LRRC8C: variants seen among roughly 807,000 people sequenced by gnomAD.
The protein encoded by LRRC8C is volume-regulated anion channel subunit LRRC8C.
LRRC8C carries 20 observed loss-of-function variants against 55.3 expected under a neutral mutation model. The observed-to-expected ratio is 0.36, with a 90% CI of 0.25 to 0.53. The LOEUF (loss-of-function observed/expected upper bound fraction) is 0.53. Among genes scored for constraint, LRRC8C ranks in the 20% least tolerant of loss-of-function variants. The pLI is 0.92. For synonymous variants in LRRC8C, 376 were observed against 360.7 expected, an observed-to-expected ratio of 1.04 and a Z score of -0.48; for missense variants, 659 against 951.4, an observed-to-expected ratio of 0.69 and a Z score of 4.04.
chr1:89,653,819 T>C (rs1656858260), intron 1 of LRRC8C, among the ~76,000 whole-genome samples: 1 of 152,224 alleles, frequency 6.6e-6, no homozygotes, highest in African/African-American at 2.4e-5. Context: ...AAATAGCAGA[T>C]TTGGAGTGAA....
intron 2 of LRRC8C, among the ~76,000 whole-genome samples, chr1:89,688,093 T>G (rs770983485): frequency 6.6e-5 from 10 of 152,186 alleles, no homozygotes; most frequent in Non-Finnish European, 1.2e-4. Context: ...AAGGTGAGTA[T>G]TGAAGCCTTT....
Position 89,713,987 on chromosome 1 carries a change from T to C in LRRC8C, c.1417T>C (p.Ser473Pro). Residue 473 changes from serine to proline, a missense_variant, in exon 3 of 3, where the codon TCT becomes CCT. Physicochemically the swap from Ser to Pro is moderately conservative, Grantham distance 74. Transcript: ENST00000370454. This position sits in a 1 kb window ranked among gnomAD's most constrained non-coding sequence, Gnocchi z 5.2. Reference sequence around the variant, plus strand: ...ACAGCTAGACAATCTTCAAGAGCTCTCTCTGCACCAGTGTTCTGTCAAAAT... The same window carrying C: ...ACAGCTAGACAATCTTCAAGAGCTCCCTCTGCACCAGTGTTCTGTCAAAAT... The part of the protein sequence containing the change: ...IAQLDNLQEL[S>P]LHQCSVKIHS... 6.2e-7 allele frequency: 1 copy of C among 1,613,326 alleles called. No individual in the cohort carries two copies. The highest frequency in any genetic ancestry group is 8.5e-7 in the Non-Finnish European group (1 of 1,180,012).
the LRRC8C span, among the ~76,000 whole-genome samples, chr1:89,627,246 A>G: frequency 6.6e-6 from 1 of 151,966 alleles, no homozygotes; most frequent in Admixed American, 6.6e-5. Flanking sequence ...AGAAGCTGTA[A>G]GCCAGGAACC....
At chr1:89,710,701 G>A (rs1267158194) in intron 2 of LRRC8C, among the ~76,000 whole-genome samples, 1 of 152,148 alleles carries the variant, frequency 6.6e-6, no homozygotes, top group Non-Finnish European at 1.5e-5. Flanking sequence ...AAATCTTGTG[G>A]TGAAACCTCC....
the LRRC8C span, among the ~76,000 whole-genome samples, chr1:89,619,728 A>T: frequency 6.6e-6 from 1 of 152,128 alleles, no homozygotes; most frequent in Non-Finnish European, 1.5e-5. Context: ...GGAAAACTTT[A>T]AAATAAGGAT....
At chr1:89,710,331 C>T (rs922502093) in intron 2 of LRRC8C, among the ~76,000 whole-genome samples, 1 of 151,952 alleles carries the variant, frequency 6.6e-6, no homozygotes, top group Non-Finnish European at 1.5e-5. Flanking sequence ...CAGGGGTTTC[C>T]AAAGTATGGT....
At chr1:89,683,209 G>C (rs1044186070) in intron 1 of LRRC8C, among the ~76,000 whole-genome samples, 6 of 152,120 alleles carry the variant, frequency 3.9e-5, no homozygotes, top group African/African-American at 1.4e-4. Flanking sequence ...AGGATGAAAT[G>C]TGTCAACATT....
the LRRC8C span, among the ~76,000 whole-genome samples, chr1:89,616,170 C>G: frequency 6.6e-6 from 1 of 152,134 alleles, no homozygotes; most frequent in Non-Finnish European, 1.5e-5. Flanking sequence ...CATGTTAGGT[C>G]CCAGCCAATG....
chr1:89,709,583 G>A (rs746040580), intron 2 of LRRC8C, among the ~76,000 whole-genome samples: 1 of 152,104 alleles, frequency 6.6e-6, no homozygotes, highest in Admixed American at 6.5e-5. Flanking sequence ...GAGCAAGCCC[G>A]GGGGAGGGTT....
intron 2 of LRRC8C, among the ~76,000 whole-genome samples, chr1:89,690,031 A>G (rs549574504): frequency 2.0e-5 from 3 of 152,272 alleles, no homozygotes; most frequent in African/African-American, 4.8e-5. Context: ...GGTTTGTGAT[A>G]TATGTTAAAC....
chr1:89,702,882 C>G (rs1034022470), intron 2 of LRRC8C, among the ~76,000 whole-genome samples: 10 of 152,248 alleles, frequency 6.6e-5, no homozygotes, highest in African/African-American at 2.4e-4. Context: ...CTGGACTGTA[C>G]TCAGTAGCAT....
chr1:89,671,772 G>C (rs1657422787), intron 1 of LRRC8C, among the ~76,000 whole-genome samples: 1 of 152,230 alleles, frequency 6.6e-6, no homozygotes, highest in South Asian at 2.1e-4. Context: ...GTCAGAGTCA[G>C]TTTGCATGTT....
chr1:89,617,295 A>T, the LRRC8C span, among the ~76,000 whole-genome samples: 1 of 152,230 alleles, frequency 6.6e-6, no homozygotes, highest in Non-Finnish European at 1.5e-5. Context: ...TGCCTAAATA[A>T]ACCATTAGCA....
At chr1:89,711,866 T>C (rs763937516) in intron 2 of LRRC8C, among the ~76,000 whole-genome samples, 21 of 152,244 alleles carry the variant, frequency 1.4e-4, no homozygotes, top group Admixed American at 2.6e-4. Flanking sequence ...GGAAGAGTTT[T>C]TATAAAAGCT....
chr1:89,632,452 G>C (rs78837226), upstream of LRRC8C, among the ~76,000 whole-genome samples: 1 of 152,274 alleles, frequency 6.6e-6, no homozygotes, highest in East Asian at 1.9e-4. Context: ...TTGTCAAGGG[G>C]CTCAAGGGCT....
At chr1:89,694,585 C>CTTTT (rs33917661) in intron 2 of LRRC8C, among the ~76,000 whole-genome samples, 1,802 of 82,582 alleles carry the variant, frequency 0.022, 13 homozygotes, top group East Asian at 0.032. Flanking sequence ...TGCCCAGCTT[C>CTTTT]TTTTTTTTTT....
At chr1:89,667,071 T>C (rs1302519159) in intron 1 of LRRC8C, among the ~76,000 whole-genome samples, 2 of 152,146 alleles carry the variant, frequency 1.3e-5, no homozygotes, top group African/African-American at 2.4e-5. Context: ...AATAATGATA[T>C]ATGTGCAGAG....
chr1:89,680,234 C>CGCCCG (rs1657662853), intron 1 of LRRC8C, among the ~76,000 whole-genome samples: 1 of 152,142 alleles, frequency 6.6e-6, no homozygotes, highest in South Asian at 2.1e-4. Context: ...CTCACCACTA[C>CGCCCG]GCCCGGCTAA....
At chr1:89,634,707 C>G (rs1369900829) in intron 1 of LRRC8C, among the ~76,000 whole-genome samples, 1 of 152,180 alleles carries the variant, frequency 6.6e-6, no homozygotes, top group Non-Finnish European at 1.5e-5. Context: ...AAAACTCGCT[C>G]AATTCATAAA....
Sources: allele counts gnomAD v4.1 joint callset (sites outside exome capture counted in the v4.1 genomes callset), GRCh38; gene constraint gnomAD v4.1.1; non-coding constraint Gnocchi (gnomAD v3.1); transcripts MANE v1.5; gene names NCBI Gene and HGNC (gene_info 2026-07-23, HGNC 2026-07-21).